EFCAB5: variants seen among roughly 807,000 people sequenced by gnomAD.
EFCAB5 encodes EF-hand calcium binding domain 5, also known as EF-hand calcium-binding domain-containing protein 5.
In EFCAB5, 131 loss-of-function variants were observed where a neutral mutation model predicts 167.9. The observed-to-expected ratio is 0.78, with a 90% CI of 0.68 to 0.90. EFCAB5 has a LOEUF of 0.90. Among genes scored for constraint, EFCAB5 ranks in the 40% least tolerant of loss-of-function variants. The pLI, the probability that EFCAB5 is intolerant of heterozygous loss-of-function variation, is 0.00. For missense variants in EFCAB5, 1,663 were observed against 1,745.2 expected, an observed-to-expected ratio of 0.95 and a Z score of 0.84; for synonymous variants, 574 against 602.8, an observed-to-expected ratio of 0.95 and a Z score of 0.70.
rs61046865 is a variant in EFCAB5 at position 29,960,659 on chromosome 17, G to C, written c.191-8132G>C. Among the ~76,000 whole-genome samples, 1,155 of 151,978 alleles carry C rather than the reference G, an allele frequency of 7.6e-3. 47 individuals carry two copies. In the East Asian group the frequency reaches 0.13, roughly 16 times the overall value. ...TCATTGTACATCTATACCTCATTTTGTTTACCCATTCATCTGTGAATGGAT... is the reference window on the plus strand; with the variant it reads ...TCATTGTACATCTATACCTCATTTTCTTTACCCATTCATCTGTGAATGGAT... On this transcript the variant is annotated intron_variant, in intron 3 of 22. Transcript: ENST00000394835.
intron 13 of EFCAB5, among the ~76,000 whole-genome samples, chr17:30,058,596 A>G (rs1433082341): frequency 6.6e-6 from 1 of 152,252 alleles, no homozygotes; most frequent in African/African-American, 2.4e-5. Context: ...AAACTCTAAA[A>G]GATAAATAAA....
chr17:29,975,013 GA>G (rs1190730063), intron 4 of EFCAB5, among the ~76,000 whole-genome samples: 1 of 151,778 alleles, frequency 6.6e-6, no homozygotes, highest in Non-Finnish European at 1.5e-5. Flanking sequence ...GCAACACAAT[GA>G]GACCCTATCT....
At chr17:30,027,550 A>G (rs1386880153) in intron 7 of EFCAB5, among the ~76,000 whole-genome samples, 1 of 152,020 alleles carries the variant, frequency 6.6e-6, no homozygotes, top group African/African-American at 2.4e-5. Flanking sequence ...GTAAAGCAGG[A>G]TATGATACAG....
upstream of EFCAB5, among the ~76,000 whole-genome samples, chr17:29,940,865 C>T (rs1202607508): frequency 1.3e-5 from 2 of 151,852 alleles, no homozygotes; most frequent in African/African-American, 4.8e-5. Flanking sequence ...CATGGTGAAA[C>T]CCTGTCTCTA....
intron 7 of EFCAB5, among the ~76,000 whole-genome samples, chr17:30,003,303 G>A (rs968752412): frequency 6.6e-6 from 1 of 151,814 alleles, no homozygotes; most frequent in African/African-American, 2.4e-5. Context: ...TGGCATGATC[G>A]CGGCTCACTG....
At chr17:30,083,812 C>T (rs1207419587) in intron 18 of EFCAB5, among the ~76,000 whole-genome samples, 1 of 152,124 alleles carries the variant, frequency 6.6e-6, no homozygotes, top group Non-Finnish European at 1.5e-5. Context: ...GTGGAGTTCA[C>T]AGTAATGGGC....
chr17:30,090,339 A>T, intron 19 of EFCAB5, 82 bp from the exon 20 acceptor site: 1 of 1,521,102 alleles, frequency 6.6e-7, no homozygotes, highest in East Asian at 2.3e-5. Context: ...TAGGCACAAG[A>T]GAGTAATTCA....
chr17:30,033,117 C>T (rs1057497570), intron 7 of EFCAB5, among the ~76,000 whole-genome samples: 4 of 151,580 alleles, frequency 2.6e-5, no homozygotes, highest in African/African-American at 9.7e-5. Flanking sequence ...CTCGCACTCT[C>T]GCCCAGGCTG....
chr17:30,032,542 GA>G (rs202239390), intron 7 of EFCAB5, among the ~76,000 whole-genome samples: 475 of 152,292 alleles, frequency 3.1e-3, no homozygotes, highest in Admixed American at 4.9e-3. Context: ...CCTGTATCAG[GA>G]GAAAGGAAAC....
chr17:30,045,804 T>G (rs906752427), intron 8 of EFCAB5, among the ~76,000 whole-genome samples: 4 of 151,282 alleles, frequency 2.6e-5, no homozygotes, highest in African/African-American at 9.7e-5. Flanking sequence ...GTTCAAGACC[T>G]GCCTGGGCAA....
intron 7 of EFCAB5, among the ~76,000 whole-genome samples, chr17:30,014,911 T>C (rs2068995484): frequency 6.6e-6 from 1 of 152,242 alleles, no homozygotes; most frequent in Non-Finnish European, 1.5e-5. Context: ...CTTTACAATT[T>C]GGCATGTTTT....
chr17:29,961,821 C>T (rs951521695), intron 3 of EFCAB5, among the ~76,000 whole-genome samples: 2 of 152,086 alleles, frequency 1.3e-5, no homozygotes, highest in Non-Finnish European at 2.9e-5. Context: ...AAAGTCATAT[C>T]GTTTACTCTC....
chr17:30,021,981 A>G (rs994527789), intron 7 of EFCAB5, among the ~76,000 whole-genome samples: 1 of 152,160 alleles, frequency 6.6e-6, no homozygotes, highest in African/African-American at 2.4e-5. Context: ...GAGTATGGAG[A>G]AAACTGAGTC....
At chr17:30,034,125 A>G in intron 7 of EFCAB5, 105 bp from the exon 8 acceptor site, 1 of 1,349,828 alleles carries the variant, frequency 7.4e-7, no homozygotes, top group Admixed American at 2.5e-5. Context: ...ATATGGAAAC[A>G]TTTTACAGCC....
intron 7 of EFCAB5, among the ~76,000 whole-genome samples, chr17:30,025,175 A>C (rs971089410): frequency 2.6e-5 from 4 of 151,934 alleles, no homozygotes; most frequent in African/African-American, 4.8e-5. Flanking sequence ...AATGGGATCT[A>C]ATTAAACTAA....
chr17:30,034,881 G>A (rs1431706208), intron 8 of EFCAB5, among the ~76,000 whole-genome samples: 3 of 152,170 alleles, frequency 2.0e-5, no homozygotes, highest in Non-Finnish European at 4.4e-5. Context: ...GTGCTAAGAA[G>A]CACAGAAATT....
chr17:29,982,095 A>C (rs557639138), intron 4 of EFCAB5, among the ~76,000 whole-genome samples: 1 of 152,304 alleles, frequency 6.6e-6, no homozygotes, highest in African/African-American at 2.4e-5. Flanking sequence ...TAATAGGAAT[A>C]CTCATCATGG....
At chr17:30,065,078 T>A (rs2070527153) in intron 14 of EFCAB5, among the ~76,000 whole-genome samples, 1 of 152,168 alleles carries the variant, frequency 6.6e-6, no homozygotes, top group African/African-American at 2.4e-5. Context: ...GAGCCCTATA[T>A]CTGGAAGTGA....
Position 30,097,307 on chromosome 17 carries a change from G to A in EFCAB5, c.4321+4371G>A, listed in dbSNP as rs146700645. ...CTGAGCTCAGATGATCCGCCCCCTCGGCCTCCCAAAGTGCTGGGATTACAG... is the reference window on the plus strand; with the variant it reads ...CTGAGCTCAGATGATCCGCCCCCTCAGCCTCCCAAAGTGCTGGGATTACAG... On this transcript the variant is annotated intron_variant, in intron 22 of 22. Coordinates refer to ENST00000394835, the MANE Select transcript of EFCAB5 (RefSeq NM_198529.4). 7.1e-3 allele frequency among the ~76,000 whole-genome samples: 1,054 copies of A among 148,244 alleles called. 6 individuals are homozygous for A. The highest frequency in any genetic ancestry group is 0.025 in the African/African-American group (1,012 of 40,246).
Sources: allele counts gnomAD v4.1 joint callset (sites outside exome capture counted in the v4.1 genomes callset), GRCh38; gene constraint gnomAD v4.1.1; transcripts MANE v1.5; gene names NCBI Gene and HGNC (gene_info 2026-07-23, HGNC 2026-07-21).